The following EPB41L4A variants were observed in gnomAD, a reference collection of about 807,000 sequenced individuals.
The protein encoded by EPB41L4A is band 4.1-like protein 4A.
Under a neutral mutation model 108.6 loss-of-function variants are expected in EPB41L4A, and 100 were observed. The ratio of observed to expected loss-of-function variants is 0.92; its 90% CI spans 0.78 to 1.09. EPB41L4A has a LOEUF of 1.09. EPB41L4A is among the 50% of genes least tolerant of loss of function. The pLI is 0.00. For missense variants in EPB41L4A, 1,030 were observed against 842.7 expected, an observed-to-expected ratio of 1.22 and a Z score of -2.75; for synonymous variants, 319 against 289.0, an observed-to-expected ratio of 1.10 and a Z score of -1.05.
Position 112,418,933 on chromosome 5 carries a change from G to A in EPB41L4A, c.99+8C>T, listed in dbSNP as rs1429491495. On this transcript the variant is annotated splice_region_variant and intron_variant, in intron 1 of 22. Coordinates refer to ENST00000261486, the MANE Select transcript of EPB41L4A (RefSeq NM_022140.5). ...CAACCCCCGGAACGCGCTCCGGGCCGCACCCACCTTGATGCCCTGCTGCTG... is the reference window on the plus strand; with the variant it reads ...CAACCCCCGGAACGCGCTCCGGGCCACACCCACCTTGATGCCCTGCTGCTG... 6.2e-7 allele frequency: 1 copy of A among 1,608,654 alleles called. No individual in the cohort carries two copies. The highest frequency in any genetic ancestry group is 1.7e-5 in the Admixed American group (1 of 59,862).
At chr5:112,264,453 A>G (rs1428200415) in intron 6 of EPB41L4A, 1 of 153,324 alleles carries the variant, frequency 6.5e-6, no homozygotes, top group East Asian at 1.9e-4. Context: ...GAATATATTA[A>G]TGCATTTATG....
chr5:112,161,456 A>C (rs771191410), downstream of EPB41L4A: 1 of 513,418 alleles, frequency 1.9e-6, no homozygotes, highest in Admixed American at 2.0e-5. Flanking sequence ...CAGCAACCTT[A>C]TGCCATAAAG....
intron 12 of EPB41L4A, among the ~76,000 whole-genome samples, chr5:112,154,336 A>G (rs1289234218): frequency 6.6e-6 from 1 of 152,216 alleles, no homozygotes; most frequent in East Asian, 1.9e-4. Flanking sequence ...CTAAAATTAT[A>G]TAGTTCCCAC....
intron 4 of EPB41L4A, among the ~76,000 whole-genome samples, chr5:112,269,720 T>C (rs1016777673): frequency 6.6e-6 from 1 of 152,224 alleles, no homozygotes; most frequent in African/African-American, 2.4e-5. Flanking sequence ...ACTGTGACTC[T>C]AGTTACATTG....
chr5:112,415,600 C>T (rs570320753), intron 1 of EPB41L4A, among the ~76,000 whole-genome samples: 1 of 152,144 alleles, frequency 6.6e-6, no homozygotes, highest in Non-Finnish European at 1.5e-5. Flanking sequence ...GAGCCACATT[C>T]AAGTTTTGCT....
chr5:112,307,301 A>G, intron 2 of EPB41L4A, 85 bp downstream of exon 2: 1 of 804,734 alleles, frequency 1.2e-6, no homozygotes, highest in Non-Finnish European at 2.1e-6. Flanking sequence ...CAAAGAACCT[A>G]ACCACCTAAA....
intron 16 of EPB41L4A, 109 bp downstream of exon 16, chr5:112,195,552 T>TAAAAAAAATA: frequency 1.1e-6 from 1 of 904,134 alleles, no homozygotes; most frequent in Non-Finnish European, 1.7e-6. Flanking sequence ...CTTTTGAAAG[T>TAAAAAAAATA]AAAAAAAATA....
intron 1 of EPB41L4A, among the ~76,000 whole-genome samples, chr5:112,381,429 A>ACC (rs1289596146): frequency 4.6e-5 from 7 of 152,228 alleles, no homozygotes; most frequent in African/African-American, 1.7e-4. Flanking sequence ...TAAGTGACTC[A>ACC]CCCAAGGCCA....
At chr5:112,187,852 T>C (rs1761502638) in intron 17 of EPB41L4A, among the ~76,000 whole-genome samples, 1 of 152,194 alleles carries the variant, frequency 6.6e-6, no homozygotes, top group Non-Finnish European at 1.5e-5. Context: ...AGCTTCAAGA[T>C]GATACAAGCC....
chr5:112,176,973 T>G (rs956149617), intron 18 of EPB41L4A, among the ~76,000 whole-genome samples: 4 of 152,064 alleles, frequency 2.6e-5, no homozygotes, highest in African/African-American at 4.8e-5. Context: ...CAGGCTTGTC[T>G]TGAACTCCTG....
chr5:112,195,988 C>A (rs780304391), intron 15 of EPB41L4A, among the ~76,000 whole-genome samples: 1 of 152,160 alleles, frequency 6.6e-6, no homozygotes, highest in African/African-American at 2.4e-5. Flanking sequence ...AACTGCAATC[C>A]TCCAAGCTGA....
rs956394961 is a variant in EPB41L4A, at chr5:112,169,194, T to A, written c.1740-89A>T. The A allele has an allele frequency of 4.4e-6, 4 of 912,074 alleles. No homozygotes were observed. In the African/African-American group the frequency reaches 6.6e-5, roughly 15 times the overall value. 56.5% of individuals were successfully genotyped at this position (912,074 alleles called of 1,614,324 possible). ...TCTTAATATTGAAACCGCAAAAGAA[T>A]AACAACTTTCAGAGTTTTAAAAAGA... On this transcript the variant is annotated intron_variant, in intron 20 of 22. Transcript: ENST00000261486.
At chr5:112,258,042 T>C (rs1346910201) in intron 9 of EPB41L4A, among the ~76,000 whole-genome samples, 2 of 152,274 alleles carry the variant, frequency 1.3e-5, no homozygotes, top group Non-Finnish European at 2.9e-5. Context: ...GCTTCTGTAC[T>C]ATCATTTCTT....
intron 1 of EPB41L4A, among the ~76,000 whole-genome samples, chr5:112,358,450 C>T (rs1323080822): frequency 6.6e-6 from 1 of 152,194 alleles, no homozygotes; most frequent in Non-Finnish European, 1.5e-5. Context: ...AATCTAAGAT[C>T]CTGATACGTA....
At chr5:112,317,026 A>T (rs1365587955) in intron 1 of EPB41L4A, among the ~76,000 whole-genome samples, 1 of 152,194 alleles carries the variant, frequency 6.6e-6, no homozygotes, top group Non-Finnish European at 1.5e-5. Context: ...GCTACACTCT[A>T]TTGATCAAAG....
intron 12 of EPB41L4A, among the ~76,000 whole-genome samples, chr5:112,152,687 G>A (rs369990378): frequency 3.3e-5 from 5 of 152,042 alleles, no homozygotes; most frequent in African/African-American, 1.2e-4. Context: ...AGCAGGAATG[G>A]ACTAAGATGA....
At chr5:112,402,592 G>A (rs1297999904) in intron 1 of EPB41L4A, among the ~76,000 whole-genome samples, 1 of 152,082 alleles carries the variant, frequency 6.6e-6, no homozygotes, top group Non-Finnish European at 1.5e-5. Context: ...GAAAAAGCGT[G>A]GGGAAAAGTA....
At chr5:112,418,153 G>A (rs1440263729) in intron 1 of EPB41L4A, among the ~76,000 whole-genome samples, 2 of 152,138 alleles carry the variant, frequency 1.3e-5, no homozygotes, top group African/African-American at 2.4e-5. Context: ...AAAACGCTCC[G>A]GATTTAGATC....
At chr5:112,158,070 A>T (rs1294951960), downstream of EPB41L4A, among the ~76,000 whole-genome samples, 2 of 152,214 alleles carry the variant, frequency 1.3e-5, no homozygotes, top group African/African-American at 4.8e-5. Flanking sequence ...GATTTCCTAA[A>T]ACCTAACACT....
Sources: gnomAD v4.1 joint callset for allele counts (sites outside exome capture counted in the v4.1 genomes callset) on GRCh38, gnomAD v4.1.1 for gene constraint, MANE v1.5 for transcripts, NCBI Gene and HGNC (gene_info 2026-07-23, HGNC 2026-07-21) for gene names.